GSE1: variants seen among roughly 807,000 people sequenced by gnomAD.
GSE1 encodes genetic suppressor element 1.
GSE1 carries 32 observed loss-of-function variants against 112.6 expected under a neutral mutation model. The ratio of observed to expected loss-of-function variants is 0.28; its 90% CI spans 0.21 to 0.38. GSE1 has a LOEUF of 0.38. Among genes scored for constraint, GSE1 ranks in the 10% least tolerant of loss-of-function variants. The pLI is 1.00. For missense variants in GSE1, 2,348 were observed against 1,699.2 expected, an observed-to-expected ratio of 1.38 and a Z score of -6.71; for synonymous variants, 1,115 against 735.6, an observed-to-expected ratio of 1.52 and a Z score of -8.35.
intron 2 of GSE1, among the ~76,000 whole-genome samples, chr16:85,429,056 A>G (rs2049057796): frequency 6.6e-6 from 1 of 152,214 alleles, no homozygotes; most frequent in Admixed American, 6.5e-5. Context: ...TGGGGCGCCT[A>G]CAGCTCCGAA....
intron 1 of GSE1, among the ~76,000 whole-genome samples, chr16:85,278,329 T>C (rs1225616965): frequency 6.6e-6 from 1 of 152,228 alleles, no homozygotes; most frequent in Non-Finnish European, 1.5e-5. Flanking sequence ...TCTCCACACA[T>C]GCCTGAAGCA....
intron 1 of GSE1, among the ~76,000 whole-genome samples, chr16:85,294,379 G>T (rs570529998): frequency 6.6e-6 from 1 of 152,200 alleles, no homozygotes; most frequent in African/African-American, 2.4e-5. Flanking sequence ...TGAGTGACTC[G>T]TGCAGGCCCT....
chr16:85,596,136 G>A (rs1173495662), intron 1 of GSE1, among the ~76,000 whole-genome samples: 4 of 151,908 alleles, frequency 2.6e-5, no homozygotes, highest in Non-Finnish European at 5.9e-5. Context: ...TCTAAAGGTA[G>A]GATCTTTTCT....
chr16:85,426,064 T>TGGAAGGAA (rs2048974225), intron 2 of GSE1, among the ~76,000 whole-genome samples: 1 of 135,336 alleles, frequency 7.4e-6, no homozygotes, highest in Admixed American at 7.8e-5. Flanking sequence ...GATGGATGGA[T>TGGAAGGAA]GGATGGATGG....
chr16:85,294,378 C>T (rs137870916), intron 1 of GSE1, among the ~76,000 whole-genome samples: 10 of 152,178 alleles, frequency 6.6e-5, no homozygotes, highest in East Asian at 3.8e-4. Flanking sequence ...CTGAGTGACT[C>T]GTGCAGGCCC....
chr16:85,298,734 CATA>C (rs1178493107), intron 1 of GSE1, among the ~76,000 whole-genome samples: 1 of 152,208 alleles, frequency 6.6e-6, no homozygotes, highest in Non-Finnish European at 1.5e-5. Context: ...GCCGAGACCT[CATA>C]ATATTTTTAA....
exon 1 of GSE1, chr16:85,170,379 A>G (rs2074339790): frequency 1.0e-6 from 1 of 985,500 alleles, no homozygotes; most frequent in African/African-American, 1.7e-5. Context: ...CTCTTGTCCA[A>G]GAGGCCCCTG....
chr16:85,301,664 A>G (rs904836091), intron 1 of GSE1, among the ~76,000 whole-genome samples: 2 of 152,172 alleles, frequency 1.3e-5, no homozygotes, highest in Non-Finnish European at 2.9e-5. Context: ...CTCTGTTGCC[A>G]TCTGTGTTTC....
chr16:85,661,105 G>A (rs1341247282), intron 8 of GSE1, 41 bp from the exon 9 acceptor site: 5 of 1,524,114 alleles, frequency 3.3e-6, no homozygotes, highest in Admixed American at 2.1e-5. Flanking sequence ...ATGACTGAAG[G>A]GTCTTTTCTC....
rs867794696 is a variant in GSE1, at chr16:85,170,619, A to G, written c.1095A>G (p.Glu365=). 23 of 985,354 alleles carry G rather than the reference A, an allele frequency of 2.3e-5. No individual in the cohort carries two copies. The African/African-American group carries it at 3.3e-4, about 14-fold the overall frequency. The allele number at this position is 985,354 out of a possible 1,614,324, so 61.0% of individuals were successfully genotyped here. Residue 365 remains glutamate, a synonymous_variant, in exon 1 of 3, where the codon GAA becomes GAG. Coordinates refer to the GSE1 transcript ENST00000637419. ...AGGACAGCCGGGCGGCACCAGCAGA[A>G]GGCCTTTGCTGCTACATCTGCGGGG...
chr16:85,579,513 G>A (rs927098482), intron 1 of GSE1, among the ~76,000 whole-genome samples: 4 of 152,176 alleles, frequency 2.6e-5, no homozygotes, highest in East Asian at 3.9e-4. Context: ...GGTTGCTGCC[G>A]GGGACTCACA....
chr16:85,507,010 C>T (rs560026565), intron 2 of GSE1, among the ~76,000 whole-genome samples: 64 of 152,258 alleles, frequency 4.2e-4, no homozygotes, highest in African/African-American at 4.3e-4. Flanking sequence ...TGTGGTATGC[C>T]GACCAGTGGC....
intron 2 of GSE1, among the ~76,000 whole-genome samples, chr16:85,506,084 AC>A (rs1461807957): frequency 6.6e-6 from 1 of 151,696 alleles, no homozygotes; most frequent in African/African-American, 2.4e-5. Flanking sequence ...CCAGGCACCC[AC>A]CCCCGGGGAG....
At chr16:85,446,321 G>A (rs553133770) in intron 2 of GSE1, among the ~76,000 whole-genome samples, 1 of 152,330 alleles carries the variant, frequency 6.6e-6, no homozygotes, top group Non-Finnish European at 1.5e-5. Context: ...GAGACCTTGG[G>A]CGGTAGCTGC....
chr16:85,378,703 C>T (rs1597536731), intron 2 of GSE1, among the ~76,000 whole-genome samples: 1 of 152,348 alleles, frequency 6.6e-6, no homozygotes, highest in Admixed American at 6.5e-5. Context: ...CCTTTGCCCC[C>T]TGCAGCCCTG....
At chr16:85,171,933 T>TC (rs748676680) in intron 1 of GSE1, 1 of 482,130 alleles carries the variant, frequency 2.1e-6, no homozygotes, top group Admixed American at 6.4e-5. Context: ...TGCGGGGTGT[T>TC]CCGGGGGAGG....
At chr16:85,434,645 C>T (rs192532417) in intron 2 of GSE1, among the ~76,000 whole-genome samples, 3 of 152,170 alleles carry the variant, frequency 2.0e-5, no homozygotes, top group Admixed American at 2.0e-4. Context: ...TGGTAAAACC[C>T]CTTCTCTACT....
intron 1 of GSE1, among the ~76,000 whole-genome samples, chr16:85,271,313 T>G (rs900359855): frequency 2.0e-5 from 3 of 152,102 alleles, no homozygotes; most frequent in African/African-American, 7.2e-5. Flanking sequence ...CCCCTGCCCC[T>G]CTTCCCCGCG....
chr16:85,538,046 A>G (rs919235459), intron 2 of GSE1, among the ~76,000 whole-genome samples: 1 of 152,082 alleles, frequency 6.6e-6, no homozygotes, highest in Non-Finnish European at 1.5e-5. Context: ...CCTGGGCACC[A>G]TTTCCCACTG....
Sources: allele counts gnomAD v4.1 joint callset (sites outside exome capture counted in the v4.1 genomes callset), GRCh38; gene constraint gnomAD v4.1.1; transcripts MANE v1.5; gene names NCBI Gene and HGNC (gene_info 2026-07-23, HGNC 2026-07-21).